The following NBAS variants were observed in gnomAD, a reference collection of about 807,000 sequenced individuals.
NBAS encodes NBAS subunit of NRZ tethering complex.
A neutral mutation model predicts 302.5 loss-of-function variants in NBAS; 219 were observed. The observed-to-expected ratio is 0.72, with a 90% confidence interval of 0.65 to 0.81. The LOEUF is 0.81. NBAS is among the 30% of genes least tolerant of loss of function. The pLI is 0.00. For synonymous variants in NBAS, 1,118 were observed against 1,021.6 expected (o/e 1.09, Z -1.80); for missense variants, 2,932 against 2,841.6 (o/e 1.03, Z -0.72).
chr2:15,159,075 G>A, the NBAS span, among the ~76,000 whole-genome samples: 3 of 152,122 alleles, frequency 2.0e-5, no homozygotes, highest in Non-Finnish European at 4.4e-5. Flanking sequence ...CCACCCCTTT[G>A]CTCTTGGGGC....
At chr2:14,996,753 A>G in the NBAS span, among the ~76,000 whole-genome samples, 1 of 152,208 alleles carries the variant, frequency 6.6e-6, no homozygotes, top group Admixed American at 6.5e-5. Flanking sequence ...TGATATTGTA[A>G]GAGAATCTTT....
the NBAS span, among the ~76,000 whole-genome samples, chr2:15,054,754 C>A: frequency 6.6e-6 from 1 of 152,158 alleles, no homozygotes; most frequent in East Asian, 1.9e-4. Context: ...TGGAAGGCAG[C>A]CCATGATGAG....
intron 35 of NBAS, among the ~76,000 whole-genome samples, chr2:15,339,230 T>G (rs989571348): frequency 6.6e-6 from 1 of 152,094 alleles, no homozygotes; most frequent in African/African-American, 2.4e-5. Context: ...ACAAAGTAAG[T>G]TTACTGAACA....
chr2:15,075,787 A>G, the NBAS span, among the ~76,000 whole-genome samples: 1 of 152,156 alleles, frequency 6.6e-6, no homozygotes, highest in South Asian at 2.1e-4. Flanking sequence ...ACACACATAT[A>G]CACACAGAAA....
At chr2:15,416,976 AG>A (rs1291042429) in intron 24 of NBAS, among the ~76,000 whole-genome samples, 1 of 152,156 alleles carries the variant, frequency 6.6e-6, no homozygotes, top group African/African-American at 2.4e-5. Flanking sequence ...AAGACTAGAA[AG>A]AGCGTTGGCA....
At chr2:15,032,639 A>G in the NBAS span, among the ~76,000 whole-genome samples, 29 of 152,214 alleles carry the variant, frequency 1.9e-4, no homozygotes, top group Non-Finnish European at 3.4e-4. Context: ...TGGCCTATCT[A>G]TATTGCAAAA....
rs150046929 is a variant in NBAS, at chr2:15,223,700, G to A, written c.6237-4732C>T. 2.9e-3 allele frequency among the ~76,000 whole-genome samples: 437 copies of A among 151,900 alleles called. 5 individuals carry two copies. The highest frequency in any genetic ancestry group is 1.0e-2 in the African/African-American group (414 of 41,422). ...AAAAATTAGCTGGGCGTGGTGGTGC[G>A]TGCCTGTAATCCCAGCTACCCAGGA... On this transcript the variant is annotated intron_variant, in intron 47 of 51. Coordinates refer to ENST00000281513, the MANE Select transcript of NBAS (RefSeq NM_015909.4).
At chr2:14,991,631 C>G in the NBAS span, among the ~76,000 whole-genome samples, 1 of 152,182 alleles carries the variant, frequency 6.6e-6, no homozygotes, top group Admixed American at 6.5e-5. Context: ...GTGTGGTCCA[C>G]GCAGGGAGCC....
the NBAS span, among the ~76,000 whole-genome samples, chr2:14,839,672 A>G: frequency 6.6e-6 from 1 of 152,040 alleles, no homozygotes; most frequent in Non-Finnish European, 1.5e-5. Flanking sequence ...ACGTCAATTC[A>G]TTACTACAGC....
chr2:15,254,370 G>A (rs1453487708), intron 44 of NBAS, among the ~76,000 whole-genome samples: 2 of 152,104 alleles, frequency 1.3e-5, no homozygotes, highest in Admixed American at 6.5e-5. Context: ...AGCATGGCAC[G>A]GCTGGCCTAG....
At chr2:15,384,143 G>C (rs776079149) in intron 28 of NBAS, among the ~76,000 whole-genome samples, 7 of 152,146 alleles carry the variant, frequency 4.6e-5, no homozygotes, top group Non-Finnish European at 8.8e-5. Context: ...TAAGTAGTGA[G>C]GCCTCTATAA....
At chr2:15,300,324 A>G (rs1220948597) in intron 40 of NBAS, among the ~76,000 whole-genome samples, 1 of 152,260 alleles carries the variant, frequency 6.6e-6, no homozygotes, top group Non-Finnish European at 1.5e-5. Context: ...TATTATGTGC[A>G]GGCAACAAAT....
At position 15,534,679 on chromosome 2, in the gene NBAS, A is replaced by G. The variant is rs375476568; in HGVS notation, c.648-38T>C. 1.8e-4 allele frequency: 247 copies of G among 1,384,968 alleles called. 1 individual carries two copies. The highest frequency in any genetic ancestry group is 2.5e-4 in the Non-Finnish European group (243 of 970,886). The allele number at this position is 1,384,968 out of a possible 1,614,324, so 85.8% of individuals were successfully genotyped here. The stretch of plus-strand genomic sequence containing the variant: ...GGGTATGAAAGAAGTAAATACCATT[A>G]AACCACAATGAATATCACTAAATAC... On this transcript the variant is annotated intron_variant, in intron 8 of 51. Coordinates refer to ENST00000281513, the MANE Select transcript of NBAS (RefSeq NM_015909.4).
chr2:15,215,877 T>G (rs1666629083), intron 48 of NBAS, among the ~76,000 whole-genome samples: 1 of 152,188 alleles, frequency 6.6e-6, no homozygotes, highest in Non-Finnish European at 1.5e-5. Flanking sequence ...TGCCCTGATC[T>G]TTCTACTACT....
chr2:14,940,203 C>T, the NBAS span, among the ~76,000 whole-genome samples: 976 of 152,304 alleles, frequency 6.4e-3, 10 homozygotes, highest in African/African-American at 0.021. Flanking sequence ...TCTCCTCTAG[C>T]TGCTGCTCAA....
At chr2:14,956,785 C>T in the NBAS span, among the ~76,000 whole-genome samples, 2 of 152,228 alleles carry the variant, frequency 1.3e-5, no homozygotes, top group Non-Finnish European at 2.9e-5. Context: ...CCACCTGGTC[C>T]TGCCCTTGAC....
chr2:15,173,925 T>G (rs1008405189), intron 51 of NBAS, among the ~76,000 whole-genome samples: 4 of 152,326 alleles, frequency 2.6e-5, no homozygotes, highest in Admixed American at 1.3e-4. Context: ...TATCGCATCT[T>G]TACAAGCGTC....
chr2:15,109,970 A>G, the NBAS span, among the ~76,000 whole-genome samples: 1 of 152,318 alleles, frequency 6.6e-6, no homozygotes, highest in Non-Finnish European at 1.5e-5. Flanking sequence ...GGGAAATGGA[A>G]CACATATATT....
At chr2:15,408,261 A>G (rs1676516476) in intron 25 of NBAS, among the ~76,000 whole-genome samples, 1 of 152,214 alleles carries the variant, frequency 6.6e-6, no homozygotes, top group African/African-American at 2.4e-5. Flanking sequence ...TGACTATTCA[A>G]AGTCTGGTTA....
Sources: gnomAD v4.1 joint callset for allele counts (sites outside exome capture counted in the v4.1 genomes callset) on GRCh38, gnomAD v4.1.1 for gene constraint, MANE v1.5 for transcripts, NCBI Gene and HGNC (gene_info 2026-07-23, HGNC 2026-07-21) for gene names.